TBC1D14: variants seen among roughly 807,000 people sequenced by gnomAD.
TBC1D14 encodes the protein TBC1 domain family, member 14.
In TBC1D14, 26 loss-of-function variants were observed where a neutral mutation model predicts 79.0. The observed-to-expected ratio is 0.33, with a 90% CI of 0.24 to 0.46. The LOEUF is 0.46. TBC1D14 is among the 20% of genes least tolerant of loss of function. The probability of loss-of-function intolerance (pLI) is 1.00; values close to 1 mark genes in which losing one functional copy is unlikely to be tolerated. For missense variants in TBC1D14, 769 were observed against 887.6 expected, an observed-to-expected ratio of 0.87 and a Z score of 1.70; for synonymous variants, 394 against 349.9, an observed-to-expected ratio of 1.13 and a Z score of -1.40.
intron 12 of TBC1D14, among the ~76,000 whole-genome samples, chr4:7,018,401 C>T (rs1721487595): frequency 6.6e-6 from 1 of 152,168 alleles, no homozygotes; most frequent in South Asian, 2.1e-4. Flanking sequence ...TCCTGTCCTG[C>T]CACACTGCCT....
intron 11 of TBC1D14, among the ~76,000 whole-genome samples, chr4:7,012,526 G>A (rs1454915931): frequency 6.6e-6 from 1 of 152,220 alleles, no homozygotes; most frequent in African/African-American, 2.4e-5. Context: ...TTGTAAATGT[G>A]AGAATAGCTG....
intron 4 of TBC1D14, among the ~76,000 whole-genome samples, chr4:6,996,021 T>C (rs1219052936): frequency 1.3e-5 from 2 of 148,916 alleles, no homozygotes; most frequent in Non-Finnish European, 3.0e-5. Flanking sequence ...TATTTTTTAG[T>C]AGAGACGGGT....
chr4:7,022,621 C>T (rs966599317), intron 12 of TBC1D14, among the ~76,000 whole-genome samples: 6 of 152,034 alleles, frequency 3.9e-5, no homozygotes, highest in Admixed American at 1.3e-4. Context: ...GGTCGCAGCA[C>T]GGCGTCAGCA....
chr4:7,011,877 A>G (rs1486648867), intron 11 of TBC1D14, among the ~76,000 whole-genome samples: 15 of 151,906 alleles, frequency 9.9e-5, no homozygotes, highest in Non-Finnish European at 1.9e-4. Flanking sequence ...TGATTTGCTG[A>G]TAATTATTAC....
chr4:6,955,249 GA>G (rs1418117908), intron 2 of TBC1D14, among the ~76,000 whole-genome samples: 6 of 152,198 alleles, frequency 3.9e-5, no homozygotes, highest in Non-Finnish European at 7.3e-5. Context: ...TGGAGATCTG[GA>G]AAGTATACCT....
intron 3 of TBC1D14, among the ~76,000 whole-genome samples, chr4:6,982,624 C>G (rs1474360756): frequency 6.6e-6 from 1 of 152,176 alleles, no homozygotes; most frequent in Non-Finnish European, 1.5e-5. Flanking sequence ...ATTTAGGGTT[C>G]TTTTGACCCA....
rs1052223062 is a variant in TBC1D14 at position 7,030,610 on chromosome 4, G to A, written c.*218G>A. 7.0e-5 allele frequency: 33 copies of A among 472,776 alleles called. No homozygotes were observed. Among genetic ancestry groups the A allele is most frequent in the African/African-American group, 2.4e-4 (12 of 51,032 alleles). The allele number at this position is 472,776 out of a possible 1,614,324, so 29.3% of individuals were successfully genotyped here. A position where few individuals can be genotyped will look rare whatever the true frequency, so the allele number is the denominator to read the frequency against. ...GCTCAGTGGAAGGATGAGCTGCTGC[G>A]GACCACAGCCAGCCACTGCATCTGC... On this transcript the variant is annotated 3_prime_UTR_variant, in exon 14 of 14. Coordinates refer to ENST00000409757, the MANE Select transcript of TBC1D14 (RefSeq NM_020773.3).
At chr4:6,912,712 A>G (rs897705497) in intron 1 of TBC1D14, among the ~76,000 whole-genome samples, 8 of 152,226 alleles carry the variant, frequency 5.3e-5, no homozygotes, top group African/African-American at 1.9e-4. Context: ...GAGTAACACC[A>G]GCCAACATTT....
chr4:6,937,654 A>G (rs1641834864), intron 2 of TBC1D14, among the ~76,000 whole-genome samples: 1 of 152,194 alleles, frequency 6.6e-6, no homozygotes, highest in Non-Finnish European at 1.5e-5. Context: ...GTCTTTCTCC[A>G]GCCATGTTTT....
intron 5 of TBC1D14, among the ~76,000 whole-genome samples, chr4:6,996,734 G>C (rs1490846895): frequency 6.6e-6 from 1 of 152,174 alleles, no homozygotes; most frequent in Non-Finnish European, 1.5e-5. Flanking sequence ...CGGGCGGGCT[G>C]TAAAGCCCCA....
intron 9 of TBC1D14, chr4:7,007,519 C>T (rs1720324856): frequency 4.7e-6 from 6 of 1,288,964 alleles, no homozygotes; most frequent in Non-Finnish European, 6.1e-6. Context: ...ACTGCCTTTA[C>T]TCAGGTTCTC....
intron 5 of TBC1D14, 195 bp from the exon 6 acceptor site, chr4:6,998,890 G>A: frequency 1.8e-6 from 1 of 568,034 alleles, no homozygotes; most frequent in Non-Finnish European, 3.2e-6. Flanking sequence ...GTTAGACTTT[G>A]CAAGCTTACT....
At chr4:6,933,450 G>A (rs1329347852) in intron 2 of TBC1D14, among the ~76,000 whole-genome samples, 3 of 151,200 alleles carry the variant, frequency 2.0e-5, no homozygotes, top group African/African-American at 4.9e-5. Flanking sequence ...GATCACAGAC[G>A]TGCGCCATCA....
intron 2 of TBC1D14, among the ~76,000 whole-genome samples, chr4:6,940,481 G>T (rs936850773): frequency 3.9e-5 from 6 of 152,172 alleles, no homozygotes; most frequent in Admixed American, 1.3e-4. Flanking sequence ...GCAGGTGGGG[G>T]TGCTGGTCAG....
intron 2 of TBC1D14, among the ~76,000 whole-genome samples, chr4:6,936,075 T>A (rs1233402581): frequency 6.6e-6 from 1 of 152,258 alleles, no homozygotes; most frequent in Non-Finnish European, 1.5e-5. Flanking sequence ...TACCCTCATG[T>A]GCACAGCCTC....
chr4:6,923,643 A>T lies in TBC1D14; in HGVS notation c.254A>T (p.His85Leu). 6.2e-7 allele frequency: 1 copy of T among 1,613,868 alleles called. No homozygotes were observed. The highest frequency in any genetic ancestry group is 8.5e-7 in the Non-Finnish European group (1 of 1,180,022). The change falls in exon 2 of 14, where the codon CAC becomes CTC. Residue 85 changes from histidine to leucine, a missense_variant. Around this residue, in one of 2 missense-constraint regions of TBC1D14, gnomAD observed 402 missense variants for 393.2 expected, o/e 1.02. Transcript: ENST00000409757. The part of the protein sequence containing the change: ...NPEPVPCSAV[H>L]VRRKQSDSDL... Reference sequence around the variant, plus strand: ...GAGCCTGTACCCTGCAGCGCGGTCCACGTGAGGAGGAAGCAGTCCGACTCC... The same window carrying T: ...GAGCCTGTACCCTGCAGCGCGGTCCTCGTGAGGAGGAAGCAGTCCGACTCC...
intron 12 of TBC1D14, among the ~76,000 whole-genome samples, chr4:7,021,538 A>C (rs1369912093): frequency 1.8e-4 from 27 of 152,188 alleles, no homozygotes. Context: ...TCTAGGTTGC[A>C]GTGAGCCGTG....
At position 7,004,876 on chromosome 4, in the gene TBC1D14, G is replaced by C; in HGVS notation, c.1303G>C (p.Glu435Gln). 6.2e-7 allele frequency: 1 copy of C among 1,614,170 alleles called. No individual in the cohort carries two copies. Among genetic ancestry groups the C allele is most frequent in the South Asian group, 1.1e-5 (1 of 91,084 alleles). Residue 435 changes from glutamate to glutamine, a missense_variant, in exon 8 of 14, where the codon GAG becomes CAG. Glu to Gln is a conservative substitution (Grantham distance 29). Coordinates refer to ENST00000409757, the MANE Select transcript of TBC1D14 (RefSeq NM_020773.3). ...TGACATCTGTCTTGCCCGAGCCAAG[G>C]AGAGGTGGCGGTCCCTTAGCACAGG... is the stretch of plus-strand genomic sequence containing the variant. ...LFDICLARAK[E>Q]RWRSLSTGGS...
chr4:7,015,669 G>C (rs963992134), intron 12 of TBC1D14, among the ~76,000 whole-genome samples: 8 of 152,190 alleles, frequency 5.3e-5, no homozygotes, highest in Non-Finnish European at 1.2e-4. Context: ...GTGGAAGGGA[G>C]CAGCCTCTCA....
Sources: gnomAD v4.1 joint callset for allele counts (sites outside exome capture counted in the v4.1 genomes callset) on GRCh38, gnomAD v4.1.1 for gene constraint, gnomAD v4.1.1 regional missense constraint, MANE v1.5 for transcripts, NCBI Gene and HGNC (gene_info 2026-07-23, HGNC 2026-07-21) for gene names.